The following MTHFD1 variants were observed in gnomAD, a reference collection of about 807,000 sequenced individuals.
MTHFD1 encodes methylenetetrahydrofolate dehydrogenase, cyclohydrolase and formyltetrahydrofolate synthetase 1, also known as C-1-tetrahydrofolate synthase, cytoplasmic.
MTHFD1 carries 44 observed loss-of-function variants against 110.3 expected under a neutral mutation model. That is an observed-to-expected ratio of 0.40 (90% CI 0.31 to 0.51). MTHFD1 has a LOEUF of 0.51. Ranked by LOEUF, MTHFD1 falls within the 20% of genes least tolerant of loss-of-function variation. The pLI, the probability that MTHFD1 is intolerant of heterozygous loss-of-function variation, is 0.60. For synonymous variants in MTHFD1, 402 were observed against 428.8 expected (o/e 0.94, Z 0.77); for missense variants, 909 against 1,173.1 (o/e 0.77, Z 3.29).
chr14:64,442,915 T>C (rs534017850), intron 21 of MTHFD1, among the ~76,000 whole-genome samples: 3 of 152,174 alleles, frequency 2.0e-5, no homozygotes, highest in East Asian at 1.9e-4. Context: ...AGGTGGAGAC[T>C]GGCTCATCCT....
At chr14:64,409,930 C>G (rs1298610908) in intron 2 of MTHFD1, among the ~76,000 whole-genome samples, 1 of 152,138 alleles carries the variant, frequency 6.6e-6, no homozygotes, top group Non-Finnish European at 1.5e-5. Context: ...TTAAAAGGAG[C>G]TGTGCTTCAG....
intron 6 of MTHFD1, 123 bp downstream of exon 6, chr14:64,415,862 T>C (rs2078022029): frequency 1.1e-6 from 1 of 940,978 alleles, no homozygotes; most frequent in Non-Finnish European, 1.7e-6. Context: ...CAGAAGGGCC[T>C]GTCTACTAAG....
At chr14:64,451,668 G>T (rs1170405627) in intron 24 of MTHFD1, among the ~76,000 whole-genome samples, 1 of 152,222 alleles carries the variant, frequency 6.6e-6, no homozygotes, top group African/African-American at 2.4e-5. Context: ...ACCTGAAAGA[G>T]CAGGGACATA....
chr14:64,433,328 A>G (rs2078175331), intron 15 of MTHFD1, among the ~76,000 whole-genome samples: 1 of 152,096 alleles, frequency 6.6e-6, no homozygotes, highest in Admixed American at 6.6e-5. Context: ...CATGTTGGCC[A>G]GGCTGGTCTC....
chr14:64,396,907 A>G (rs1242432090), intron 1 of MTHFD1, among the ~76,000 whole-genome samples: 2 of 147,332 alleles, frequency 1.4e-5, no homozygotes, highest in African/African-American at 5.0e-5. Flanking sequence ...GATCGAGACC[A>G]TCTTGGCTAA....
chr14:64,399,832 A>G (rs559124779), intron 1 of MTHFD1, among the ~76,000 whole-genome samples: 1 of 152,056 alleles, frequency 6.6e-6, no homozygotes, highest in South Asian at 2.1e-4. Flanking sequence ...CTGGAGTGCA[A>G]TGGCACCATC....
rs543135522 is a variant in MTHFD1 at position 64,392,500 on chromosome 14, A to G, written c.41+4032A>G. 3.3e-5 allele frequency among the ~76,000 whole-genome samples: 5 copies of G among 152,208 alleles called. No individual in the cohort carries two copies. In the South Asian group the frequency reaches 1.0e-3, roughly 32 times the overall value. Reference sequence around the variant, plus strand: ...CTCTCCATTGGTGGCATTTTTCTTGATTAAGTCTCCTTTCTAAAGAGACTG... The same window carrying G: ...CTCTCCATTGGTGGCATTTTTCTTGGTTAAGTCTCCTTTCTAAAGAGACTG... On this transcript the variant is annotated intron_variant, in intron 1 of 27. Coordinates refer to ENST00000652337, the MANE Select transcript of MTHFD1 (RefSeq NM_005956.4).
chr14:64,397,184 TATATATAAAA>T lies in MTHFD1; in HGVS notation c.42-3607_42-3598del, dbSNP rs1340399143. On this transcript the variant is annotated intron_variant, in intron 1 of 27. Coordinates refer to ENST00000652337, the MANE Select transcript of MTHFD1 (RefSeq NM_005956.4). ...ATATATATATATATATATATATATATATATATAAAAAACAGTAATCTATTGGGGCAGGGGA... is the reference window on the plus strand; with the variant it reads ...ATATATATATATATATATATATATATAACAGTAATCTATTGGGGCAGGGGA... Among the ~76,000 whole-genome samples the T allele has an allele frequency of 9.0e-3, 122 of 13,502 alleles. 2 individuals carry two copies. Among genetic ancestry groups the T allele is most frequent in the Non-Finnish European group, 0.012 (99 of 8,160 alleles). The allele number at this position is 13,502 out of a possible 152,430, so 8.9% of individuals were successfully genotyped here.
intron 1 of MTHFD1, among the ~76,000 whole-genome samples, chr14:64,394,406 A>G (rs2140941097): frequency 6.6e-6 from 1 of 152,200 alleles, no homozygotes; most frequent in South Asian, 2.1e-4. Flanking sequence ...AGGCCTTTCC[A>G]TTGTGAGGAA....
At chr14:64,419,996 G>A (rs1430098171) in intron 8 of MTHFD1, 71 bp downstream of exon 8, 2 of 1,069,300 alleles carry the variant, frequency 1.9e-6, no homozygotes, top group Non-Finnish European at 1.4e-6. Flanking sequence ...AAAGAAGCCT[G>A]AGAGAGAAGC....
At position 64,428,834 on chromosome 14, in the gene MTHFD1, G is replaced by A. The variant is rs140776996; in HGVS notation, c.1265-1350G>A. Reference sequence around the variant, plus strand: ...CCCAATGTGCTGGGATAATAGGCATGAGCCACCGTGCCCAGCCCACCCTTC... The same window carrying A: ...CCCAATGTGCTGGGATAATAGGCATAAGCCACCGTGCCCAGCCCACCCTTC... On this transcript the variant is annotated intron_variant, in intron 12 of 27. Transcript: ENST00000652337. Among the ~76,000 whole-genome samples, 1,246 of 151,886 alleles carry A rather than the reference G, an allele frequency of 8.2e-3. 8 individuals carry two copies. The highest frequency in any genetic ancestry group is 0.055 in the Middle Eastern group (16 of 290).
chr14:64,431,940 T>C, intron 15 of MTHFD1, 79 bp downstream of exon 15: 1 of 1,253,662 alleles, frequency 8.0e-7, no homozygotes, highest in Non-Finnish European at 1.2e-6. Flanking sequence ...AAAAGTCTTC[T>C]TGGAGTAGCC....
intron 2 of MTHFD1, among the ~76,000 whole-genome samples, chr14:64,410,165 C>T (rs1256828556): frequency 6.6e-6 from 1 of 152,078 alleles, no homozygotes; most frequent in Admixed American, 6.5e-5. Context: ...TAGTGAGACA[C>T]TGCATGGTGG....
At chr14:64,400,128 C>G (rs540642433) in intron 1 of MTHFD1, among the ~76,000 whole-genome samples, 4 of 151,908 alleles carry the variant, frequency 2.6e-5, no homozygotes, top group Non-Finnish European at 5.9e-5. Context: ...GTGGCTCACG[C>G]CTGTAATCCC....
intron 1 of MTHFD1, among the ~76,000 whole-genome samples, chr14:64,392,817 T>TAAA (rs2077817405): frequency 1.3e-5 from 2 of 152,204 alleles, no homozygotes; most frequent in Non-Finnish European, 2.9e-5. Context: ...AAATAGGTAC[T>TAAA]TAGAAAGTAC....
intron 15 of MTHFD1, among the ~76,000 whole-genome samples, chr14:64,434,069 T>C (rs947052747): frequency 1.3e-5 from 2 of 152,146 alleles, no homozygotes; most frequent in Admixed American, 6.5e-5. Flanking sequence ...TCTTGGTCAC[T>C]ATGATACTAT....
intron 12 of MTHFD1, among the ~76,000 whole-genome samples, chr14:64,427,981 T>C (rs914437399): frequency 2.6e-5 from 4 of 152,192 alleles, no homozygotes; most frequent in African/African-American, 4.8e-5. Flanking sequence ...AGAGGTGGCT[T>C]GGTCAAAGGC....
At chr14:64,459,682 T>C (rs1205059234) in intron 27 of MTHFD1, 77 bp from the exon 28 acceptor site, 10 of 1,238,630 alleles carry the variant, frequency 8.1e-6, no homozygotes, top group Non-Finnish European at 9.9e-6. Flanking sequence ...GAGTGGGTAA[T>C]GGTGCAGTAT....
intron 25 of MTHFD1, among the ~76,000 whole-genome samples, chr14:64,454,110 G>A (rs542780485): frequency 1.3e-5 from 2 of 152,206 alleles, no homozygotes; most frequent in East Asian, 3.9e-4. Context: ...TATTGAGAAC[G>A]TCTCCAGTTT....
Sources: gnomAD v4.1 joint callset for allele counts (sites outside exome capture counted in the v4.1 genomes callset) on GRCh38, gnomAD v4.1.1 for gene constraint, MANE v1.5 for transcripts, NCBI Gene and HGNC (gene_info 2026-07-23, HGNC 2026-07-21) for gene names.